RDH10: variants seen among roughly 807,000 people sequenced by gnomAD.
The protein encoded by RDH10 is retinol dehydrogenase 10.
In RDH10, 12 loss-of-function variants were observed where a neutral mutation model predicts 30.2. The ratio of observed to expected loss-of-function variants is 0.40; its 90% confidence interval spans 0.25 to 0.64. The LOEUF is 0.64. RDH10 is among the 30% of genes least tolerant of loss of function. The pLI, the probability that RDH10 is intolerant of heterozygous loss-of-function variation, is 0.43. For synonymous variants in RDH10, 189 were observed against 172.2 expected, an observed-to-expected ratio of 1.10 and a Z score of -0.76; for missense variants, 268 against 445.2, an observed-to-expected ratio of 0.60 and a Z score of 3.58.
intron 3 of RDH10, 133 bp from the exon 4 acceptor site, chr8:73,320,799 T>A: frequency 1.2e-6 from 1 of 835,982 alleles, no homozygotes; most frequent in Non-Finnish European, 1.9e-6. Flanking sequence ...AATGATTTCC[T>A]TTTCTTTGTG....
chr8:73,308,048 A>G (rs977279098), intron 2 of RDH10, among the ~76,000 whole-genome samples: 7 of 152,162 alleles, frequency 4.6e-5, no homozygotes, highest in African/African-American at 2.4e-5. Flanking sequence ...AGTGTAGTGC[A>G]TCCTTCGTCA....
intron 2 of RDH10, chr8:73,315,631 A>G: frequency 2.2e-6 from 1 of 454,764 alleles, no homozygotes; most frequent in Non-Finnish European, 4.4e-6. Context: ...GAGCACGTGA[A>G]TACAGGGAAG....
chr8:73,298,155 G>A lies in RDH10; in HGVS notation c.525+726G>A, dbSNP rs113606102. Among the ~76,000 whole-genome samples, 640 of 152,300 alleles carry A rather than the reference G, an allele frequency of 4.2e-3. 3 individuals carry two copies. The highest frequency in any genetic ancestry group is 7.2e-3 in the South Asian group (35 of 4,830). Reference sequence around the variant, plus strand: ...TAACCCCAGTTTTTCATCTCAAGTTGTCTTCAGTAAAGGTAGGTGTGACTC... The same window carrying A: ...TAACCCCAGTTTTTCATCTCAAGTTATCTTCAGTAAAGGTAGGTGTGACTC... On this transcript the variant is annotated intron_variant, in intron 2 of 5. Coordinates refer to ENST00000240285, the MANE Select transcript of RDH10 (RefSeq NM_172037.5).
At position 73,295,230 on chromosome 8, in the gene RDH10, C is replaced by G; in HGVS notation, c.-60C>G. 5.0e-6 allele frequency: 7 copies of G among 1,412,670 alleles called. No individual in the cohort carries two copies. The highest frequency in any genetic ancestry group is 1.5e-5 in the African/African-American group (1 of 66,316). The allele number at this position is 1,412,670 out of a possible 1,614,324, so 87.5% of individuals were successfully genotyped here. A position where few individuals can be genotyped will look rare whatever the true frequency, so the allele number is the denominator to read the frequency against. ...CGCCCCGGAGCCGGGAGCCCGATTGCCGGGCTCGGGGTGGGCGCGGACGCA... is the reference window on the plus strand; with the variant it reads ...CGCCCCGGAGCCGGGAGCCCGATTGGCGGGCTCGGGGTGGGCGCGGACGCA... On this transcript the variant is annotated 5_prime_UTR_variant, in exon 1 of 6. Transcript: ENST00000240285.
rs1425065928 is a variant in RDH10 at position 73,323,421 on chromosome 8, C to T, written c.*385C>T. 1 of 170,764 alleles carries T rather than the reference C, an allele frequency of 5.9e-6. No individual in the cohort carries two copies. The highest frequency in any genetic ancestry group is 2.4e-5 in the African/African-American group (1 of 41,986). The allele number at this position is 170,764 out of a possible 1,614,324, so 10.6% of individuals were successfully genotyped here. A position where few individuals can be genotyped will look rare whatever the true frequency, so the allele number is the denominator to read the frequency against. On this transcript the variant is annotated 3_prime_UTR_variant, in exon 6 of 6. Transcript: ENST00000240285. ...GTTTACTCATTCTTGTTATTAAACT[C>T]TAGCCAGTTGACATCTTCGCAATTT... is the stretch of plus-strand genomic sequence containing the variant.
intron 1 of RDH10, 116 bp downstream of exon 1, chr8:73,295,694 AC>A: frequency 2.7e-6 from 3 of 1,093,068 alleles, no homozygotes; most frequent in Non-Finnish European, 3.7e-6. Flanking sequence ...GGAAAGGAAC[AC>A]CCCACCGGTC....
chr8:73,321,914 G>T (rs1484076669), intron 4 of RDH10: 1 of 456,250 alleles, frequency 2.2e-6, no homozygotes, highest in East Asian at 7.0e-5. Flanking sequence ...CTGGAAAATG[G>T]ACTCTAGCTC....
chr8:73,295,020 G>A lies in RDH10; in HGVS notation c.-270G>A. Reference sequence around the variant, plus strand: ...CGGCCGGGCGCTGCGGGACGGGCGGGCGGCTGCCGGCAGGAGGCGCCGAGC... The same window carrying A: ...CGGCCGGGCGCTGCGGGACGGGCGGACGGCTGCCGGCAGGAGGCGCCGAGC... On this transcript the variant is annotated 5_prime_UTR_variant, in exon 1 of 6. Coordinates refer to ENST00000240285, the MANE Select transcript of RDH10 (RefSeq NM_172037.5). The A allele has an allele frequency of 2.7e-6, 1 of 364,278 alleles. No homozygotes were observed. The highest frequency in any genetic ancestry group is 4.9e-6 in the Non-Finnish European group (1 of 204,226). The allele number at this position is 364,278 out of a possible 1,614,324, so 22.6% of individuals were successfully genotyped here.
In RDH10 at chr8:73,297,488, G is replaced by C. The variant is rs897954008; in HGVS notation, c.525+59G>C. On this transcript the variant is annotated intron_variant, in intron 2 of 5. Coordinates refer to ENST00000240285, the MANE Select transcript of RDH10 (RefSeq NM_172037.5). The stretch of plus-strand genomic sequence containing the variant: ...CCCTCCTTAATGAGAAGGTTGGGAA[G>C]GGGAGAGACTTCAGTGCCAGCCTGA... The C allele has an allele frequency of 1.2e-5, 15 of 1,273,614 alleles. 1 individual carries two copies. In the African/African-American group the frequency reaches 1.6e-4, roughly 14 times the overall value. The allele number at this position is 1,273,614 out of a possible 1,614,324, so 78.9% of individuals were successfully genotyped here.
intron 1 of RDH10, chr8:73,295,785 C>A: frequency 9.8e-7 from 1 of 1,022,208 alleles, no homozygotes; most frequent in Non-Finnish European, 1.3e-6. Flanking sequence ...GTGCCCTGTC[C>A]TCGCGGAGGT....
intron 2 of RDH10, among the ~76,000 whole-genome samples, chr8:73,317,596 T>C (rs1008062731): frequency 2.0e-4 from 31 of 152,174 alleles, no homozygotes; most frequent in African/African-American, 4.8e-5. Context: ...AGGGAATTGC[T>C]GTTTTCAATC....
Position 73,317,988 on chromosome 8 carries a change from G to A in RDH10, c.526-1108G>A, listed in dbSNP as rs6989495. ...ATTCATGCAAAAACTCAGTGATACCGTAGCCAGCAAATCCTCTGAGAAGGG... is the reference window on the plus strand; with the variant it reads ...ATTCATGCAAAAACTCAGTGATACCATAGCCAGCAAATCCTCTGAGAAGGG... On this transcript the variant is annotated intron_variant, in intron 2 of 5. Transcript: ENST00000240285. 9.8e-5 allele frequency among the ~76,000 whole-genome samples: 14 copies of A among 142,328 alleles called. No individual in the cohort carries two copies. The East Asian group carries it at 1.9e-3, about 20-fold the overall frequency. 93.4% of individuals were successfully genotyped at this position (142,328 alleles called of 152,430 possible).
intron 2 of RDH10, among the ~76,000 whole-genome samples, chr8:73,301,393 A>G (rs1050836773): frequency 1.3e-5 from 2 of 152,046 alleles, no homozygotes; most frequent in African/African-American, 2.4e-5. Flanking sequence ...TGATAATAAT[A>G]GGCTTAAATA....
At chr8:73,314,165 A>G (rs745484796) in intron 2 of RDH10, among the ~76,000 whole-genome samples, 2 of 152,236 alleles carry the variant, frequency 1.3e-5, no homozygotes, top group African/African-American at 4.8e-5. Flanking sequence ...CATACATGCT[A>G]CAATATTTGT....
At chr8:73,299,264 G>T (rs543591619) in intron 2 of RDH10, among the ~76,000 whole-genome samples, 2 of 152,200 alleles carry the variant, frequency 1.3e-5, no homozygotes, top group African/African-American at 4.8e-5. Flanking sequence ...GTTCAGTGGG[G>T]GTGGGGAACT....
chr8:73,298,737 A>G (rs1586186590), intron 2 of RDH10, among the ~76,000 whole-genome samples: 1 of 152,212 alleles, frequency 6.6e-6, no homozygotes, highest in African/African-American at 2.4e-5. Context: ...GGTGTTGCCC[A>G]GGCTGGTTGC....
intron 3 of RDH10, among the ~76,000 whole-genome samples, chr8:73,320,661 G>A (rs1212465577): frequency 1.3e-5 from 2 of 151,788 alleles, no homozygotes; most frequent in African/African-American, 4.8e-5. Flanking sequence ...TAGTAGAGGC[G>A]GGGTTTCACC....
At chr8:73,304,126 C>T (rs747924480) in intron 2 of RDH10, among the ~76,000 whole-genome samples, 1 of 152,150 alleles carries the variant, frequency 6.6e-6, no homozygotes, top group Non-Finnish European at 1.5e-5. Context: ...ATGATAAGCC[C>T]ACTTTGTCGT....
At position 73,321,040 on chromosome 8, in the gene RDH10, C is replaced by T. The variant is rs1427297238; in HGVS notation, c.733C>T (p.Leu245Phe). The change falls in exon 4 of 6, where the codon CTT becomes TTT. Residue 245 changes from leucine (L) to phenylalanine (F), a missense_variant. By Grantham distance (22) the Leu-to-Phe change is conservative. Coordinates refer to ENST00000240285, the MANE Select transcript of RDH10 (RefSeq NM_172037.5). ...GIKTTLVCPY[L>F]VDTGMFRGCR... is the part of the protein sequence containing the mutation. The stretch of plus-strand genomic sequence containing the variant: ...TAAAACAACCTTGGTTTGCCCTTAT[C>T]TTGTAGACACTGGCATGTTCAGAGG... 2 of 1,614,060 alleles carry T rather than the reference C, an allele frequency of 1.2e-6. No individual in the cohort carries two copies.
Sources: gnomAD v4.1 joint callset for allele counts (sites outside exome capture counted in the v4.1 genomes callset) on GRCh38, gnomAD v4.1.1 for gene constraint, MANE v1.5 for transcripts, NCBI Gene and HGNC (gene_info 2026-07-23, HGNC 2026-07-21) for gene names.